Variants in DIPK1C observed in about 807,000 individuals in gnomAD.
The protein encoded by DIPK1C is divergent protein kinase domain 1C, also known as familial non-conventional Alzheimer's dementia.
DIPK1C carries 33 observed loss-of-function variants against 28.0 expected under a neutral mutation model. The observed-to-expected ratio is 1.18, with a 90% confidence interval of 0.89 to 1.58. The LOEUF (loss-of-function observed/expected upper bound fraction) is 1.58, where lower values mean the gene tolerates loss of function less well. DIPK1C is among the 40% of genes most tolerant of loss of function. The pLI, the probability that DIPK1C is intolerant of heterozygous loss-of-function variation, is 0.00. For synonymous variants in DIPK1C, 255 were observed against 248.8 expected, an observed-to-expected ratio of 1.02 and a Z score of -0.23; for missense variants, 569 against 568.5, an observed-to-expected ratio of 1.00 and a Z score of -0.01.
At chr18:74,449,034 G>T (rs995832904) in intron 1 of DIPK1C, among the ~76,000 whole-genome samples, 7 of 152,086 alleles carry the variant, frequency 4.6e-5, no homozygotes, top group Non-Finnish European at 1.0e-4. Context: ...ACTTGAAACC[G>T]GGAGGCGCAG....
At chr18:74,461,367 C>T (rs532329910), upstream of DIPK1C, among the ~76,000 whole-genome samples, 2 of 143,266 alleles carry the variant, frequency 1.4e-5, no homozygotes, top group Admixed American at 7.0e-5. Context: ...TTCCTTCCTT[C>T]CTTCCTTCCT....
chr18:74,438,977 G>C (rs1273277191), intron 3 of DIPK1C, among the ~76,000 whole-genome samples: 1 of 152,198 alleles, frequency 6.6e-6, no homozygotes, highest in Non-Finnish European at 1.5e-5. Flanking sequence ...CCAGCAGCAG[G>C]GAATAAGGCC....
chr18:74,455,722 C>T (rs1183233260), intron 1 of DIPK1C, among the ~76,000 whole-genome samples: 1 of 25,586 alleles, frequency 3.9e-5, no homozygotes, highest in Non-Finnish European at 7.8e-5. Context: ...GAGCAAAACT[C>T]CATAAAAAAA....
At chr18:74,460,005 A>C (rs1327350478), upstream of DIPK1C, among the ~76,000 whole-genome samples, 1 of 152,162 alleles carries the variant, frequency 6.6e-6, no homozygotes, top group Non-Finnish European at 1.5e-5. Flanking sequence ...CCAAGCACGC[A>C]GGCTTCTCAG....
chr18:74,436,741 A>C (rs1188822609), intron 3 of DIPK1C, 22 bp from the exon 4 acceptor site: 10 of 1,584,066 alleles, frequency 6.3e-6, no homozygotes, highest in Non-Finnish European at 8.6e-6. Flanking sequence ...AAGGGTGGAC[A>C]GTTAATTTAG....
chr18:74,437,995 G>A (rs976262999), intron 3 of DIPK1C, among the ~76,000 whole-genome samples: 1 of 152,140 alleles, frequency 6.6e-6, no homozygotes, highest in African/African-American at 2.4e-5. Flanking sequence ...TGGTTCAAGC[G>A]ATCCTCCTGC....
At position 74,440,839 on chromosome 18, in the gene DIPK1C, G is replaced by A. The variant is rs569289713; in HGVS notation, c.1041+1113C>T. Among the ~76,000 whole-genome samples the A allele has an allele frequency of 3.3e-5, 5 of 152,338 alleles. No individual in the cohort carries two copies. The South Asian group carries it at 1.0e-3, about 32-fold the overall frequency. On this transcript the variant is annotated intron_variant, in intron 3 of 3. Transcript: ENST00000343998. ...AGCTCAAGAAGAATGATTTCATGAC[G>A]AACCCCATCAAGGGTGTGAGTCCAC... is the stretch of plus-strand genomic sequence containing the variant.
At chr18:74,448,007 C>T (rs555938303) in intron 1 of DIPK1C, among the ~76,000 whole-genome samples, 24 of 151,658 alleles carry the variant, frequency 1.6e-4, no homozygotes, top group African/African-American at 5.5e-4. Flanking sequence ...TGTCCAGGAG[C>T]CCCCGGATGG....
rs1458362827 is a variant in DIPK1C, at chr18:74,435,262, G to A, written c.*1239C>T. Reference sequence around the variant, plus strand: ...ATCTTTCTCGATTTCCCTTTTCATGGGATTTCTGAAAAGGGGTGACCCGTT... The same window carrying A: ...ATCTTTCTCGATTTCCCTTTTCATGAGATTTCTGAAAAGGGGTGACCCGTT... On this transcript the variant is annotated 3_prime_UTR_variant, in exon 4 of 4. Transcript: ENST00000343998. The A allele has an allele frequency of 1.3e-5, 2 of 152,300 alleles. No individual in the cohort carries two copies. The highest frequency in any genetic ancestry group is 1.9e-4 in the East Asian group (1 of 5,182). The allele number at this position is 152,300 out of a possible 1,614,324, so 9.4% of individuals were successfully genotyped here. A position where few individuals can be genotyped will look rare whatever the true frequency, so the allele number is the denominator to read the frequency against.
chr18:74,452,862 A>T (rs908677107), intron 1 of DIPK1C, among the ~76,000 whole-genome samples: 2 of 152,034 alleles, frequency 1.3e-5, no homozygotes, highest in African/African-American at 2.4e-5. Flanking sequence ...TCTTTCTCAG[A>T]CTCCTTCTGT....
intron 1 of DIPK1C, among the ~76,000 whole-genome samples, chr18:74,451,144 G>C (rs1337109268): frequency 6.6e-6 from 1 of 152,234 alleles, no homozygotes; most frequent in Non-Finnish European, 1.5e-5. Context: ...TAGCAGACAA[G>C]GGAGAGGGCA....
chr18:74,457,066 G>A lies in DIPK1C; in HGVS notation c.194C>T (p.Ala65Val). Residue 65 changes from alanine to valine, a missense_variant, in exon 1 of 4, where the codon GCG becomes GTG. Physicochemically the swap from Ala to Val is moderately conservative, Grantham distance 64 (BLOSUM62 0). Coordinates refer to ENST00000343998, the MANE Select transcript of DIPK1C (RefSeq NM_001044369.3). ...TDEKSRRILAALCQDYQGGTL... is the reference protein window; with the variant it reads ...TDEKSRRILAVLCQDYQGGTL... ...CAGAGCGGCGGCGGGACCTACCAGCGCGGCCAGGATGCGCCGGCTCTTCTC... is the reference window on the plus strand; with the variant it reads ...CAGAGCGGCGGCGGGACCTACCAGCACGGCCAGGATGCGCCGGCTCTTCTC... The A allele has an allele frequency of 6.9e-7, 1 of 1,459,572 alleles. No individual in the cohort carries two copies. Among genetic ancestry groups the A allele is most frequent in the Non-Finnish European group, 9.0e-7 (1 of 1,114,226 alleles). 90.4% of individuals were successfully genotyped at this position (1,459,572 alleles called of 1,614,324 possible). A position where few individuals can be genotyped will look rare whatever the true frequency, so the allele number is the denominator to read the frequency against.
At position 74,436,605 on chromosome 18, in the gene DIPK1C, C is replaced by T; in HGVS notation, c.1156G>A (p.Gly386Arg). 1 of 1,613,404 alleles carries T rather than the reference C, an allele frequency of 6.2e-7. No individual in the cohort carries two copies. Among genetic ancestry groups the T allele is most frequent in the Non-Finnish European group, 8.5e-7 (1 of 1,179,986 alleles). Residue 386 changes from glycine to arginine, a missense_variant, in exon 4 of 4, where the codon GGG becomes AGG. Transcript: ENST00000343998. ...CTCCGGGTGTTCCCACTGGGGACCC[C>T]AGGGTCTGCACATTCCTGCACCGCC... The part of the protein sequence containing the change: ...QEAVQECADP[G>R]VPSGNTRRAA...
rs1985967945 is a variant in DIPK1C at position 74,435,524 on chromosome 18, C to T, written c.*977G>A. ...TCCTGCCTGGAGTCAATGCAGACCT[C>T]AGCATTTGCTCTACTTTAAATTTTC... On this transcript the variant is annotated 3_prime_UTR_variant, in exon 4 of 4. Coordinates refer to ENST00000343998, the MANE Select transcript of DIPK1C (RefSeq NM_001044369.3). 1 of 152,184 alleles carries T rather than the reference C, an allele frequency of 6.6e-6. No homozygotes were observed. Among genetic ancestry groups the T allele is most frequent in the African/African-American group, 2.4e-5 (1 of 41,440 alleles). 9.4% of individuals were successfully genotyped at this position (152,184 alleles called of 1,614,324 possible).
At chr18:74,455,004 G>C (rs1021520070) in intron 1 of DIPK1C, among the ~76,000 whole-genome samples, 4 of 152,178 alleles carry the variant, frequency 2.6e-5, no homozygotes, top group African/African-American at 7.2e-5. Flanking sequence ...GACACCTAGG[G>C]AGATGGATGT....
rs753937715 is a variant in DIPK1C, at chr18:74,447,261, G to A, written c.221C>T (p.Thr74Met). 4.7e-5 allele frequency: 73 copies of A among 1,540,326 alleles called. No homozygotes were observed. The South Asian group carries it at 7.0e-4, about 15-fold the overall frequency. ...AALCQDYQGG[T>M]LAGDLCEDLC... is the part of the protein sequence containing the mutation. The stretch of plus-strand genomic sequence containing the variant: ...GTCCTCGCAGAGGTCCCCGGCCAGC[G>A]TGCCGCCCTGGTAGTCCTGGCACTG... The change falls in exon 2 of 4, where the codon ACG becomes ATG. Residue 74 changes from threonine to methionine, a missense_variant. By Grantham distance (81) the Thr-to-Met change is moderately conservative. Coordinates refer to ENST00000343998, the MANE Select transcript of DIPK1C (RefSeq NM_001044369.3). The surrounding 1 kb of genome is among the most constrained non-coding windows in gnomAD (Gnocchi z 4.1).
At chr18:74,441,858 G>A (rs918971867) in intron 3 of DIPK1C, 94 bp downstream of exon 3, 132 of 1,360,734 alleles carry the variant, frequency 9.7e-5, no homozygotes, top group Non-Finnish European at 2.4e-5. Context: ...TGAAAAGGTC[G>A]ACCTTGAGCT....
At position 74,446,624 on chromosome 18, in the gene DIPK1C, G is replaced by A. The variant is rs1176429151; in HGVS notation, c.858C>T (p.Ala286=). ...HLCDIKPENF[A]IRSDFTVVAI... is the part of the protein sequence containing the mutation. ...CACTTACTGTGAAGTCGCTCCGGAT[G>A]GCAAAGTTTTCCGGCTTGATGTCGC... is the stretch of plus-strand genomic sequence containing the variant. Residue 286 remains alanine, a synonymous_variant, in exon 2 of 4, where the codon GCC becomes GCT. Coordinates refer to ENST00000343998, the MANE Select transcript of DIPK1C (RefSeq NM_001044369.3). 5 of 1,463,284 alleles carry A rather than the reference G, an allele frequency of 3.4e-6. No homozygotes were observed. The South Asian group carries it at 7.1e-5, about 21-fold the overall frequency. 90.6% of individuals were successfully genotyped at this position (1,463,284 alleles called of 1,614,324 possible). A position where few individuals can be genotyped will look rare whatever the true frequency, so the allele number is the denominator to read the frequency against.
chr18:74,441,348 C>T (rs1031943761), intron 3 of DIPK1C, among the ~76,000 whole-genome samples: 3 of 152,154 alleles, frequency 2.0e-5, no homozygotes, highest in African/African-American at 7.2e-5. Context: ...ACCTGAGAGC[C>T]TCAAGTGAGG....
Sources: gnomAD v4.1 joint callset for allele counts (sites outside exome capture counted in the v4.1 genomes callset) on GRCh38, gnomAD v4.1.1 for gene constraint, Gnocchi (gnomAD v3.1) non-coding constraint, MANE v1.5 for transcripts, NCBI Gene and HGNC (gene_info 2026-07-23, HGNC 2026-07-21) for gene names.